The following PPARD variants were observed in gnomAD, a reference collection of about 807,000 sequenced individuals.
The protein encoded by PPARD is peroxisome proliferator-activated receptor delta.
A neutral mutation model predicts 39.5 loss-of-function variants in PPARD; 6 were observed. That is an observed-to-expected ratio of 0.15 (90% CI 0.08 to 0.30). PPARD has a LOEUF of 0.30. PPARD is among the 10% of genes least tolerant of loss of function. The probability of loss-of-function intolerance (pLI) is 1.00; values close to 1 mark genes in which losing one functional copy is unlikely to be tolerated. For synonymous variants in PPARD, 210 were observed against 231.3 expected (o/e 0.91, Z 0.83); for missense variants, 397 against 596.8 (o/e 0.67, Z 3.49).
intron 2 of PPARD, among the ~76,000 whole-genome samples, chr6:35,376,854 A>G (rs965015108): frequency 6.6e-6 from 1 of 151,926 alleles, no homozygotes; most frequent in African/African-American, 2.4e-5. Flanking sequence ...CCCCGTCTCT[A>G]CTAAAAATAC....
At chr6:35,406,882 G>A (rs1006873410) in intron 2 of PPARD, among the ~76,000 whole-genome samples, 7 of 152,186 alleles carry the variant, frequency 4.6e-5, no homozygotes, top group African/African-American at 9.7e-5. Flanking sequence ...GGCCCGGCTC[G>A]AGTCCTGCTG....
At chr6:35,352,024 A>G (rs1288990020) in intron 2 of PPARD, among the ~76,000 whole-genome samples, 1 of 149,402 alleles carries the variant, frequency 6.7e-6, no homozygotes, top group Non-Finnish European at 1.5e-5. Flanking sequence ...ATGCACCATC[A>G]TGCCCACCTC....
intron 3 of PPARD, among the ~76,000 whole-genome samples, chr6:35,419,816 C>T (rs1766020457): frequency 6.6e-6 from 1 of 152,218 alleles, no homozygotes; most frequent in East Asian, 1.9e-4. Flanking sequence ...CATCCTCCTC[C>T]CCACTGCTAC....
intron 2 of PPARD, among the ~76,000 whole-genome samples, chr6:35,384,197 C>G (rs1426603203): frequency 1.4e-5 from 2 of 141,814 alleles, no homozygotes; most frequent in South Asian, 2.3e-4. Context: ...GCCAGCGGCC[C>G]CGTCCGGGAG....
intron 2 of PPARD, among the ~76,000 whole-genome samples, chr6:35,377,515 A>C (rs540643756): frequency 6.6e-6 from 1 of 152,336 alleles, no homozygotes; most frequent in African/African-American, 2.4e-5. Context: ...CATGTACTGT[A>C]ATGTTTAAAA....
In PPARD at chr6:35,411,051, C is replaced by A; in HGVS notation, c.-37C>A. 1 of 1,465,434 alleles carries A rather than the reference C, an allele frequency of 6.8e-7. No homozygotes were observed. Among genetic ancestry groups the A allele is most frequent in the South Asian group, 1.5e-5 (1 of 68,634 alleles). 90.8% of individuals were successfully genotyped at this position (1,465,434 alleles called of 1,614,324 possible). Reference sequence around the variant, plus strand: ...GACCCAGACGATGCCAGAGCTATGACTGGGCCTGCAGGTGTGGCGCCGAGG... The same window carrying A: ...GACCCAGACGATGCCAGAGCTATGAATGGGCCTGCAGGTGTGGCGCCGAGG... On this transcript the variant is annotated 5_prime_UTR_variant, in exon 3 of 8. In the 5' UTR this introduces an upstream ATG that the reference lacks. Transcript: ENST00000360694.
chr6:35,415,568 A>C (rs970708076), intron 3 of PPARD, among the ~76,000 whole-genome samples: 6 of 152,190 alleles, frequency 3.9e-5, no homozygotes, highest in Admixed American at 3.9e-4. Context: ...ACTGAATCCA[A>C]ACATTTGGAT....
intron 2 of PPARD, among the ~76,000 whole-genome samples, chr6:35,380,338 TAGA>T (rs1763060298): frequency 6.6e-6 from 1 of 152,138 alleles, no homozygotes. Context: ...CACAGTGAGA[TAGA>T]AGAAGACAGA....
chr6:35,390,440 A>T (rs1763943649), intron 2 of PPARD, among the ~76,000 whole-genome samples: 1 of 152,174 alleles, frequency 6.6e-6, no homozygotes, highest in Non-Finnish European at 1.5e-5. Context: ...GAATGTTGCC[A>T]TGTGGGAGCA....
intron 2 of PPARD, among the ~76,000 whole-genome samples, chr6:35,353,986 A>C (rs1352397906): frequency 2.6e-5 from 4 of 152,138 alleles, no homozygotes; most frequent in Non-Finnish European, 5.9e-5. Context: ...TAATCTCAGC[A>C]CTTTGGGAGG....
chr6:35,359,826 C>T (rs923101746), intron 2 of PPARD, among the ~76,000 whole-genome samples: 2 of 152,186 alleles, frequency 1.3e-5, no homozygotes, highest in African/African-American at 2.4e-5. Flanking sequence ...GATGAGGATA[C>T]TGAGGCTCAG....
intron 4 of PPARD, 95 bp from the exon 5 acceptor site, chr6:35,421,724 TC>T: frequency 7.6e-7 from 1 of 1,321,480 alleles, no homozygotes; most frequent in Non-Finnish European, 1.0e-6. Flanking sequence ...CTTCCAAATG[TC>T]AGGAGTGTTT....
chr6:35,407,522 G>A (rs1765133949), intron 2 of PPARD, among the ~76,000 whole-genome samples: 1 of 151,918 alleles, frequency 6.6e-6, no homozygotes, highest in African/African-American at 2.4e-5. Flanking sequence ...AAGAATCAGT[G>A]TTTCTGGTAC....
At chr6:35,378,379 C>T (rs563272093) in intron 2 of PPARD, among the ~76,000 whole-genome samples, 1 of 152,242 alleles carries the variant, frequency 6.6e-6, no homozygotes, top group African/African-American at 2.4e-5. Context: ...TTTTTTGGCA[C>T]ATTTTGTGCC....
At chr6:35,417,332 TG>T (rs1394014979) in intron 3 of PPARD, among the ~76,000 whole-genome samples, 2 of 151,986 alleles carry the variant, frequency 1.3e-5, no homozygotes, top group Non-Finnish European at 2.9e-5. Context: ...GAGACAGTCT[TG>T]CTTTATCACC....
rs181013251 is a variant in PPARD, at chr6:35,366,885, C to T, written c.-102+19735C>T. Among the ~76,000 whole-genome samples the T allele has an allele frequency of 1.4e-4, 22 of 152,284 alleles. No homozygotes were observed. The highest frequency in any genetic ancestry group is 2.5e-4 in the Non-Finnish European group (17 of 68,030). On this transcript the variant is annotated intron_variant, in intron 2 of 7. Transcript: ENST00000360694. This position sits in a 1 kb window ranked among gnomAD's most constrained non-coding sequence, Gnocchi z 4.6. Reference sequence around the variant, plus strand: ...ATACTTTAGCTGCATATTCTTTCTTCGAAATGACCACAAAAAGAAGGTATT... The same window carrying T: ...ATACTTTAGCTGCATATTCTTTCTTTGAAATGACCACAAAAAGAAGGTATT...
intron 2 of PPARD, among the ~76,000 whole-genome samples, chr6:35,390,415 T>C (rs1763942480): frequency 6.6e-6 from 1 of 152,226 alleles, no homozygotes; most frequent in Non-Finnish European, 1.5e-5. Context: ...GCTCTCTGGC[T>C]GGAGCTACTA....
chr6:35,386,308 C>A (rs1763655055), intron 2 of PPARD, among the ~76,000 whole-genome samples: 1 of 150,448 alleles, frequency 6.6e-6, no homozygotes, highest in African/African-American at 2.4e-5. Flanking sequence ...GAGACCCCAC[C>A]TCTACAATTT....
In PPARD at chr6:35,384,815, G is replaced by A. The variant is rs867919730; in HGVS notation, c.-101-26172G>A. On this transcript the variant is annotated intron_variant, in intron 2 of 7. Coordinates refer to ENST00000360694, the MANE Select transcript of PPARD (RefSeq NM_006238.5). The stretch of plus-strand genomic sequence containing the variant: ...GGGGTCAGGCCCCGCCCGGCCAGCC[G>A]CCCCGTCCGGGAGGGAGGTGGGGGG... Among the ~76,000 whole-genome samples, 439 of 49,804 alleles carry A rather than the reference G, an allele frequency of 8.8e-3. 4 individuals carry two copies. The highest frequency in any genetic ancestry group is 0.012 in the Non-Finnish European group (325 of 27,064). The allele number at this position is 49,804 out of a possible 152,430, so 32.7% of individuals were successfully genotyped here. A position where few individuals can be genotyped will look rare whatever the true frequency, so the allele number is the denominator to read the frequency against.
Sources: allele counts gnomAD v4.1 joint callset (sites outside exome capture counted in the v4.1 genomes callset), GRCh38; gene constraint gnomAD v4.1.1; non-coding constraint Gnocchi (gnomAD v3.1); transcripts MANE v1.5; gene names NCBI Gene and HGNC (gene_info 2026-07-23, HGNC 2026-07-21).